Variants in TMEM164 observed in about 807,000 individuals in gnomAD.
TMEM164 encodes transmembrane protein 164, also known as RP13-360B22.2.
A neutral mutation model predicts 18.8 loss-of-function variants in TMEM164; 4 were observed. The ratio of observed to expected loss-of-function variants is 0.21; its 90% CI spans 0.10 to 0.49. The LOEUF (loss-of-function observed/expected upper bound fraction) is 0.49, where lower values mean the gene tolerates loss of function less well. TMEM164 is among the 20% of genes least tolerant of loss of function. TMEM164 has a pLI of 0.98. For missense variants in TMEM164, 108 were observed against 239.9 expected, an observed-to-expected ratio of 0.45 and a Z score of 3.63; for synonymous variants, 86 against 101.7, an observed-to-expected ratio of 0.85 and a Z score of 0.93.
chrX:110,003,699 ACCCGGGCAAC>A lies in TMEM164; in HGVS notation c.-73_-64del. 8 of 1,106,358 alleles carry A rather than the reference ACCCGGGCAAC, an allele frequency of 7.2e-6. No homozygotes were observed. Among genetic ancestry groups the A allele is most frequent in the Non-Finnish European group, 9.6e-6 (8 of 835,551 alleles). 91.2% of individuals were successfully genotyped at this position (1,106,358 alleles called of 1,213,427 possible). ...GTGTGCCCGCCTTACATGGTCCACC[ACCCGGGCAAC>A]CCTCTGGGCTTGTGTTCCATCTCAC... On this transcript the variant is annotated 5_prime_UTR_variant, in exon 2 of 7. Coordinates refer to ENST00000372068, the MANE Select transcript of TMEM164 (RefSeq NM_032227.4).
chrX:110,132,384 C>G (rs780578881), intron 4 of TMEM164, among the ~76,000 whole-genome samples: 1 of 111,658 alleles, frequency 9.0e-6, no homozygotes, highest in Non-Finnish European at 1.9e-5. Flanking sequence ...CAATCCTGCT[C>G]TCTACCTCCC....
chrX:110,010,757 T>G (rs1033102715), intron 2 of TMEM164, among the ~76,000 whole-genome samples: 2 of 111,589 alleles, frequency 1.8e-5, no homozygotes, highest in Non-Finnish European at 3.8e-5. Flanking sequence ...TGTTAAATAG[T>G]GTGATTCAGA....
At chrX:110,101,015 T>A (rs990415963) in intron 3 of TMEM164, among the ~76,000 whole-genome samples, 4 of 110,559 alleles carry the variant, frequency 3.6e-5, no homozygotes, top group Non-Finnish European at 7.6e-5. Flanking sequence ...TCTTCCTGCT[T>A]CCTTCTTCTT....
intron 4 of TMEM164, among the ~76,000 whole-genome samples, chrX:110,109,542 C>T (rs1464421733): frequency 8.9e-6 from 1 of 111,925 alleles, no homozygotes; most frequent in African/African-American, 3.2e-5. Context: ...ATAAAATAAC[C>T]AGGGCAGACC....
chrX:110,135,262 T>G lies in TMEM164; in HGVS notation c.508-9536T>G, dbSNP rs200857789. Among the ~76,000 whole-genome samples the G allele has an allele frequency of 3.0e-4, 33 of 110,722 alleles. 1 individual carries two copies. In the East Asian group the frequency reaches 9.3e-3, roughly 31 times the overall value. On this transcript the variant is annotated intron_variant, in intron 4 of 6. Transcript: ENST00000372068. Reference sequence around the variant, plus strand: ...TAAAAAAAAAAAGGATCATGCCTTATACAATATAGACTTGCTCTATTTTAC... The same window carrying G: ...TAAAAAAAAAAAGGATCATGCCTTAGACAATATAGACTTGCTCTATTTTAC...
intron 2 of TMEM164, among the ~76,000 whole-genome samples, chrX:110,035,918 CT>C (rs1056551596): frequency 9.1e-6 from 1 of 110,156 alleles, no homozygotes; most frequent in African/African-American, 3.3e-5. Context: ...CTTAATATCT[CT>C]TTTTTTGTTG....
intron 5 of TMEM164, among the ~76,000 whole-genome samples, chrX:110,161,000 G>T (rs1229446641): frequency 8.9e-6 from 1 of 112,371 alleles, no homozygotes; most frequent in East Asian, 2.8e-4. Flanking sequence ...GAGCCACCGT[G>T]CCTGCCTGAG....
chrX:110,002,416 G>A (rs955834059), upstream of TMEM164, among the ~76,000 whole-genome samples: 85 of 110,590 alleles, frequency 7.7e-4, no homozygotes, highest in African/African-American at 2.6e-3. Context: ...GAGGAGGGAG[G>A]AGGAGGAGGG....
intron 2 of TMEM164, among the ~76,000 whole-genome samples, chrX:110,063,521 G>A (rs1437602148): frequency 9.0e-6 from 1 of 111,160 alleles, no homozygotes; most frequent in Non-Finnish European, 1.9e-5. Context: ...AGAGAGGTTC[G>A]CAGGTAGAGG....
intron 2 of TMEM164, among the ~76,000 whole-genome samples, chrX:110,049,998 G>A (rs752378517): frequency 8.9e-6 from 1 of 112,018 alleles, no homozygotes; most frequent in African/African-American, 3.2e-5. Flanking sequence ...TTAGAGGCTG[G>A]TTGGCCAATG....
intron 2 of TMEM164, among the ~76,000 whole-genome samples, chrX:110,033,244 G>A (rs1934600291): frequency 8.9e-6 from 1 of 111,911 alleles, no homozygotes; most frequent in South Asian, 3.7e-4. Context: ...GTGCCCAAAT[G>A]AAATTCACAG....
chrX:110,020,769 AT>A, intron 2 of TMEM164: 3 of 627,610 alleles, frequency 4.8e-6, no homozygotes, highest in Non-Finnish European at 5.7e-6. Flanking sequence ...GCATGCCAGA[AT>A]ATTTATGGCA....
intron 4 of TMEM164, among the ~76,000 whole-genome samples, chrX:110,113,631 C>T (rs1340425137): frequency 8.9e-6 from 1 of 111,861 alleles, no homozygotes. Flanking sequence ...TACTCACATA[C>T]ACAAAGACAG....
intron 5 of TMEM164, among the ~76,000 whole-genome samples, chrX:110,170,987 C>T (rs2067222703): frequency 8.9e-6 from 1 of 112,015 alleles, no homozygotes; most frequent in African/African-American, 3.3e-5. Flanking sequence ...CTACACCATA[C>T]TTCCTCAATG....
intron 3 of TMEM164, among the ~76,000 whole-genome samples, chrX:110,083,091 T>C (rs1001591187): frequency 2.7e-5 from 3 of 111,767 alleles, no homozygotes; most frequent in African/African-American, 9.7e-5. Context: ...ATTGATTGAT[T>C]TCTAAACCCC....
At chrX:110,173,026 A>T (rs1376565307) in intron 6 of TMEM164, among the ~76,000 whole-genome samples, 1 of 112,070 alleles carries the variant, frequency 8.9e-6, no homozygotes, top group Non-Finnish European at 1.9e-5. Context: ...AAAACTGAAT[A>T]GCTTTTCCAC....
intron 4 of TMEM164, among the ~76,000 whole-genome samples, chrX:110,132,448 T>C (rs2066626041): frequency 9.0e-6 from 1 of 111,720 alleles, no homozygotes; most frequent in Non-Finnish European, 1.9e-5. Flanking sequence ...TCTTTTTCTC[T>C]TTTTGAAGTT....
intron 3 of TMEM164, among the ~76,000 whole-genome samples, chrX:110,100,554 G>A (rs781750349): frequency 2.7e-5 from 3 of 110,518 alleles, no homozygotes; most frequent in Non-Finnish European, 3.8e-5. Context: ...AGGAGAAAAC[G>A]CACTTGGTCA....
chrX:110,083,970 G>T (rs1044951202), intron 3 of TMEM164, among the ~76,000 whole-genome samples: 2 of 110,777 alleles, frequency 1.8e-5, no homozygotes, highest in African/African-American at 6.6e-5. Context: ...CTGCTGTTTT[G>T]CTTTCAAACC....
Sources: allele counts gnomAD v4.1 joint callset (sites outside exome capture counted in the v4.1 genomes callset), GRCh38; gene constraint gnomAD v4.1.1; transcripts MANE v1.5; gene names NCBI Gene and HGNC (gene_info 2026-07-23, HGNC 2026-07-21).